Variants in COPS3 observed in about 807,000 individuals in gnomAD.
The protein encoded by COPS3 is COP9 signalosome complex subunit 3.
A neutral mutation model predicts 58.2 loss-of-function variants in COPS3; 10 were observed. The observed-to-expected ratio is 0.17, with a 90% CI of 0.11 to 0.29. The LOEUF is 0.29. Ranked by LOEUF, COPS3 falls within the 10% of genes least tolerant of loss-of-function variation. COPS3 has a pLI of 1.00. For missense variants in COPS3, 333 were observed against 510.1 expected (o/e 0.65, Z 3.34); for synonymous variants, 187 against 181.7 (o/e 1.03, Z -0.24).
rs1178891799 is a variant in COPS3 at position 17,280,649 on chromosome 17, G to A, written c.55+483C>T. On this transcript the variant is annotated intron_variant, in intron 1 of 11. Transcript: ENST00000268717. ...CCCGAGCGTGCGCCGCCTGGCAGCGGAGGAGCTGGCAGAGGCGAGCCATAG... is the reference window on the plus strand; with the variant it reads ...CCCGAGCGTGCGCCGCCTGGCAGCGAAGGAGCTGGCAGAGGCGAGCCATAG... The A allele has an allele frequency of 6.1e-6, 8 of 1,305,014 alleles. No homozygotes were observed. The South Asian group carries it at 8.7e-5, about 14-fold the overall frequency. The allele number at this position is 1,305,014 out of a possible 1,614,324, so 80.8% of individuals were successfully genotyped here. A position where few individuals can be genotyped will look rare whatever the true frequency, so the allele number is the denominator to read the frequency against.
chr17:17,278,935 C>T (rs2048517182), intron 1 of COPS3, among the ~76,000 whole-genome samples: 2 of 149,458 alleles, frequency 1.3e-5, no homozygotes, highest in African/African-American at 2.5e-5. Context: ...AGGGCAGTGG[C>T]GCGATCTTGG....
In COPS3 at chr17:17,247,043, T is replaced by G; in HGVS notation, c.*55A>C. ...GTCCTCTCTGCTGCCCTCCGAACAC[T>G]TGTCACTGGCCAAGATGGTAGTTTC... On this transcript the variant is annotated 3_prime_UTR_variant, in exon 12 of 12. Coordinates refer to ENST00000268717, the MANE Select transcript of COPS3 (RefSeq NM_003653.4). The G allele has an allele frequency of 6.6e-7, 1 of 1,520,110 alleles. No individual in the cohort carries two copies. The highest frequency in any genetic ancestry group is 1.7e-5 in the Admixed American group (1 of 59,902). 94.2% of individuals were successfully genotyped at this position (1,520,110 alleles called of 1,614,324 possible).
chr17:17,262,353 T>C (rs1353724065), intron 6 of COPS3, among the ~76,000 whole-genome samples: 2 of 152,130 alleles, frequency 1.3e-5, no homozygotes, highest in African/African-American at 2.4e-5. Flanking sequence ...CTCAAACTCC[T>C]TGGGTTCAAG....
intron 9 of COPS3, among the ~76,000 whole-genome samples, chr17:17,249,284 T>C (rs368237728): frequency 2.0e-5 from 3 of 152,200 alleles, no homozygotes; most frequent in African/African-American, 4.8e-5. Flanking sequence ...ATTTTTGTTA[T>C]TGAGGTGAAG....
chr17:17,259,492 G>C (rs1567851319), intron 8 of COPS3, among the ~76,000 whole-genome samples: 1 of 152,114 alleles, frequency 6.6e-6, no homozygotes, highest in Non-Finnish European at 1.5e-5. Flanking sequence ...TTACATCCTA[G>C]AAGAAAATAA....
At chr17:17,265,033 T>C (rs758633553) in intron 5 of COPS3, 52 bp from the exon 6 acceptor site, 2 of 1,489,984 alleles carry the variant, frequency 1.3e-6, no homozygotes, top group Non-Finnish European at 1.8e-6. Flanking sequence ...TAGGCAGGTA[T>C]TAGCAGAAGG....
At chr17:17,272,150 C>T (rs1002612381) in intron 2 of COPS3, among the ~76,000 whole-genome samples, 16 of 152,068 alleles carry the variant, frequency 1.1e-4, no homozygotes, top group Admixed American at 5.2e-4. Flanking sequence ...TGGCCAGGCA[C>T]GGTGGCTCAC....
rs2048573285 is a variant in COPS3 at position 17,281,013 on chromosome 17, G to A, written c.55+119C>T. ...ATCTAAACGCCGCAACCCCAAGCCCGGCCCCGGAGAAGAGTCTCAGGACTA... is the reference window on the plus strand; with the variant it reads ...ATCTAAACGCCGCAACCCCAAGCCCAGCCCCGGAGAAGAGTCTCAGGACTA... On this transcript the variant is annotated intron_variant, in intron 1 of 11. Transcript: ENST00000268717. 5.0e-6 allele frequency: 6 copies of A among 1,201,124 alleles called. No homozygotes were observed. In the Admixed American group the frequency reaches 7.0e-5, roughly 14 times the overall value. 74.4% of individuals were successfully genotyped at this position (1,201,124 alleles called of 1,614,324 possible). A position where few individuals can be genotyped will look rare whatever the true frequency, so the allele number is the denominator to read the frequency against.
intron 2 of COPS3, among the ~76,000 whole-genome samples, chr17:17,274,927 T>C (rs995802072): frequency 1.3e-5 from 2 of 152,030 alleles, no homozygotes; most frequent in Non-Finnish European, 2.9e-5. Context: ...CTCACCACTC[T>C]ACTCCTCTTG....
intron 9 of COPS3, 55 bp downstream of exon 9, chr17:17,254,803 CA>C (rs1457479428): frequency 1.0e-6 from 1 of 988,638 alleles, no homozygotes; most frequent in Non-Finnish European, 1.4e-6. Flanking sequence ...AGCGAGACTC[CA>C]TCTCAAAAAG....
chr17:17,273,925 G>A (rs987641455), intron 2 of COPS3, among the ~76,000 whole-genome samples: 1 of 152,192 alleles, frequency 6.6e-6, no homozygotes, highest in Admixed American at 6.5e-5. Context: ...GCTAAAGTGG[G>A]AGGACTGCTT....
intron 4 of COPS3, among the ~76,000 whole-genome samples, chr17:17,270,154 C>G (rs930885312): frequency 8.4e-6 from 1 of 119,498 alleles, no homozygotes; most frequent in South Asian, 3.4e-4. Context: ...GAGACTCTGT[C>G]TCCAAAAAAA....
chr17:17,276,165 C>T lies in COPS3; in HGVS notation c.56-1G>A. 6.2e-7 allele frequency: 1 copy of T among 1,613,690 alleles called. No individual in the cohort carries two copies. The highest frequency in any genetic ancestry group is 2.2e-5 in the East Asian group (1 of 44,866). ...AGTTCACAAAGCTGTGTCATTTGCCCTGGAAAACAGGAACAACACTATTGC... is the reference window on the plus strand; with the variant it reads ...AGTTCACAAAGCTGTGTCATTTGCCTTGGAAAACAGGAACAACACTATTGC... On this transcript the variant is annotated splice_acceptor_variant, in intron 1 of 11. Coordinates refer to ENST00000268717, the MANE Select transcript of COPS3 (RefSeq NM_003653.4). LOFTEE classifies it high-confidence loss of function.
rs373257967 is a variant in COPS3 at position 17,258,399 on chromosome 17, A to G, written c.936+1902T>C. Among the ~76,000 whole-genome samples the G allele has an allele frequency of 3.0e-4, 45 of 152,276 alleles. 1 individual carries two copies. Among genetic ancestry groups the G allele is most frequent in the South Asian group, 2.3e-3 (11 of 4,824 alleles). ...CTGCAACCTCTATCTCCTGGGTTCA[A>G]ATGATTCTCCTGCCTCAGCCTTCCA... On this transcript the variant is annotated intron_variant, in intron 8 of 11. Transcript: ENST00000268717.
intron 5 of COPS3, among the ~76,000 whole-genome samples, chr17:17,265,652 G>A (rs2048205600): frequency 6.6e-6 from 1 of 152,114 alleles, no homozygotes; most frequent in Non-Finnish European, 1.5e-5. Flanking sequence ...GTCCACCTTG[G>A]CCTCCGAATG....
At position 17,262,183 on chromosome 17, in the gene COPS3, T is replaced by G; in HGVS notation, c.622-77A>C. ...CAACAATCAACCACATGTATCACAT[T>G]AATTATAAGTCAATAATACTTTTTA... On this transcript the variant is annotated intron_variant, in intron 6 of 11. Coordinates refer to ENST00000268717, the MANE Select transcript of COPS3 (RefSeq NM_003653.4). 2.3e-6 allele frequency: 3 copies of G among 1,297,428 alleles called. No homozygotes were observed. In the South Asian group the frequency reaches 4.1e-5, roughly 18 times the overall value. The allele number at this position is 1,297,428 out of a possible 1,614,324, so 80.4% of individuals were successfully genotyped here.
Position 17,262,076 on chromosome 17 carries a change from G to C in COPS3, c.652C>G (p.His218Asp). 6.2e-7 allele frequency: 1 copy of C among 1,611,090 alleles called. No individual in the cohort carries two copies. Among genetic ancestry groups the C allele is most frequent in the East Asian group, 2.2e-5 (1 of 44,838 alleles). Residue 218 changes from histidine (H) to aspartate (D), a missense_variant, in exon 7 of 12, where the codon CAT (histidine) becomes GAT (aspartate). Transcript: ENST00000268717. ...AITTPAMAVS[H>D]IMLESYKKYI... Reference sequence around the variant, plus strand: ...TTTTTATATGATTCCAACATGATATGACTGACCGCCATGGCAGGAGTAGTT... The same window carrying C: ...TTTTTATATGATTCCAACATGATATCACTGACCGCCATGGCAGGAGTAGTT...
chr17:17,257,318 C>T lies in COPS3; in HGVS notation c.937-2373G>A, dbSNP rs549134523. 4.0e-5 allele frequency among the ~76,000 whole-genome samples: 6 copies of T among 150,342 alleles called. No homozygotes were observed. In the East Asian group the frequency reaches 7.9e-4, roughly 20 times the overall value. ...GGCAGAGTCTGCAGTGAGCAAAGAT[C>T]GCACCACTGCACTCCAGCCTGGACA... On this transcript the variant is annotated intron_variant, in intron 8 of 11. Coordinates refer to ENST00000268717, the MANE Select transcript of COPS3 (RefSeq NM_003653.4).
intron 4 of COPS3, 102 bp from the exon 5 acceptor site, chr17:17,268,079 T>C (rs1381797169): frequency 7.1e-7 from 1 of 1,401,606 alleles, no homozygotes; most frequent in Non-Finnish European, 9.4e-7. Flanking sequence ...ATTGATAGGT[T>C]CCTTTAAATA....
Sources: allele counts gnomAD v4.1 joint callset (sites outside exome capture counted in the v4.1 genomes callset), GRCh38; gene constraint gnomAD v4.1.1; transcripts MANE v1.5; gene names NCBI Gene and HGNC (gene_info 2026-07-23, HGNC 2026-07-21).